TFDP2: variants seen among roughly 807,000 people sequenced by gnomAD.
The protein encoded by TFDP2 is transcription factor Dp-2, also known as transcription factor Dp-2 (E2F dimerization partner 2).
TFDP2 carries 17 observed loss-of-function variants against 59.3 expected under a neutral mutation model. The ratio of observed to expected loss-of-function variants is 0.29; its 90% CI spans 0.20 to 0.43. The LOEUF is 0.43. Ranked by LOEUF, TFDP2 falls within the 20% of genes least tolerant of loss-of-function variation. The probability of loss-of-function intolerance (pLI) is 1.00; values close to 1 mark genes in which losing one functional copy is unlikely to be tolerated. For missense variants in TFDP2, 391 were observed against 528.8 expected (o/e 0.74, Z 2.56); for synonymous variants, 180 against 194.7 (o/e 0.92, Z 0.63).
chr3:142,043,704 G>T (rs1444925535), intron 3 of TFDP2: 2 of 1,126,616 alleles, frequency 1.8e-6, no homozygotes, highest in Non-Finnish European at 2.7e-6. Context: ...CACCGTGCTT[G>T]CGTGCTTCCT....
chr3:142,044,008 G>A (rs998768546), intron 3 of TFDP2: 27 of 700,356 alleles, frequency 3.9e-5, no homozygotes, highest in Non-Finnish European at 6.1e-5. Flanking sequence ...GTCTTTTTCC[G>A]GCATCAAGCC....
At chr3:142,058,308 C>G (rs879322753) in intron 3 of TFDP2, among the ~76,000 whole-genome samples, 8 of 150,962 alleles carry the variant, frequency 5.3e-5, no homozygotes, top group African/African-American at 7.3e-5. Context: ...CTTCTGACAC[C>G]AAATGTTTGG....
chr3:142,087,848 G>A (rs1018767987), intron 3 of TFDP2, among the ~76,000 whole-genome samples: 2 of 152,112 alleles, frequency 1.3e-5, no homozygotes, highest in Non-Finnish European at 1.5e-5. Flanking sequence ...AGTCTAATTA[G>A]CATTACAGAT....
chr3:142,094,997 CT>C (rs1201224499), intron 2 of TFDP2, among the ~76,000 whole-genome samples: 4 of 144,882 alleles, frequency 2.8e-5, no homozygotes, highest in Admixed American at 2.0e-4. Context: ...TTTTCTTCTT[CT>C]TTTTTTTTTC....
intron 12 of TFDP2, 53 bp from the exon 13 acceptor site, chr3:141,952,749 G>A: frequency 6.3e-7 from 1 of 1,598,588 alleles, no homozygotes; most frequent in Non-Finnish European, 8.5e-7. Flanking sequence ...AAACAGTTTT[G>A]TAAAACATAG....
chr3:142,019,257 T>C (rs1945405721), intron 3 of TFDP2, among the ~76,000 whole-genome samples: 1 of 151,924 alleles, frequency 6.6e-6, no homozygotes, highest in East Asian at 1.9e-4. Flanking sequence ...AGAGACGGGG[T>C]TTCACCGTGT....
chr3:142,005,543 G>T lies in TFDP2; in HGVS notation c.84C>A (p.Gly28=). 2.5e-6 allele frequency: 4 copies of T among 1,583,320 alleles called. No homozygotes were observed. The highest frequency in any genetic ancestry group is 3.4e-6 in the Non-Finnish European group (4 of 1,161,128). Residue 28 remains glycine, a splice_region_variant and synonymous_variant, in exon 4 of 13, where the codon GGC becomes GGA. Transcript: ENST00000489671. Reference sequence around the variant, plus strand: ...CTGGAAATGCAACAAATGAAATGTTGCCTGAAATGATATCAAAACATTAAG... The same window carrying T: ...CTGGAAATGCAACAAATGAAATGTTTCCTGAAATGATATCAAAACATTAAG... ...FIDQNLSPTK[G]NISFVAFPVS...
At chr3:142,038,383 CAAAAAAAA>C (rs1184364752) in intron 3 of TFDP2, among the ~76,000 whole-genome samples, 12 of 41,436 alleles carry the variant, frequency 2.9e-4, no homozygotes, top group Admixed American at 5.3e-4. Context: ...GACTCCATCT[CAAAAAAAA>C]AAAAAAAAAA....
intron 11 of TFDP2, 55 bp downstream of exon 11, chr3:141,959,619 A>G: frequency 1.9e-6 from 3 of 1,574,092 alleles, no homozygotes; most frequent in Non-Finnish European, 2.6e-6. Context: ...GGTTTTAACA[A>G]GTTTGGATTC....
At chr3:141,969,163 A>ATG (rs1227456892) in intron 9 of TFDP2, among the ~76,000 whole-genome samples, 2 of 92,356 alleles carry the variant, frequency 2.2e-5, no homozygotes, top group Non-Finnish European at 3.9e-5. Flanking sequence ...ATATATATAT[A>ATG]ACATATATAT....
At chr3:141,965,547 A>AAGGGGAAGGGGG (rs1416135469) in intron 9 of TFDP2, among the ~76,000 whole-genome samples, 8 of 131,450 alleles carry the variant, frequency 6.1e-5, no homozygotes, top group Non-Finnish European at 1.3e-4. Flanking sequence ...AAGGGAGGGG[A>AAGGGGAAGGGGG]AGGGGAAGGG....
At chr3:142,111,423 GTC>G in intron 1 of TFDP2, among the ~76,000 whole-genome samples, 2 of 112,594 alleles carry the variant, frequency 1.8e-5, no homozygotes, top group African/African-American at 7.2e-5. Flanking sequence ...GTTAGACTCT[GTC>G]TCAAAAAAAA....
intron 3 of TFDP2, chr3:142,043,587 C>T (rs1947139237): frequency 2.6e-6 from 2 of 765,928 alleles, no homozygotes; most frequent in South Asian, 3.0e-5. Flanking sequence ...TCTATGTAAT[C>T]ACGGAGGCCA....
intron 1 of TFDP2, among the ~76,000 whole-genome samples, chr3:142,144,283 A>G (rs962779656): frequency 4.6e-5 from 7 of 152,070 alleles, no homozygotes; most frequent in Non-Finnish European, 1.0e-4. Context: ...TTGAGGCACA[A>G]GAATCACTTG....
intron 3 of TFDP2, among the ~76,000 whole-genome samples, chr3:142,010,981 C>T (rs1443974169): frequency 9.3e-6 from 1 of 107,004 alleles, no homozygotes; most frequent in African/African-American, 3.5e-5. Context: ...AACACTTTTA[C>T]ACTGTTGGTG....
intron 11 of TFDP2, among the ~76,000 whole-genome samples, chr3:141,957,011 T>G (rs115836696): frequency 0.012 from 1,797 of 144,888 alleles, 16 homozygotes; most frequent in Middle Eastern, 0.037. Flanking sequence ...AAAAGATGTA[T>G]AGTGACAAGT....
At chr3:142,088,505 A>G (rs2060883690) in intron 3 of TFDP2, among the ~76,000 whole-genome samples, 1 of 150,776 alleles carries the variant, frequency 6.6e-6, no homozygotes, top group Non-Finnish European at 1.5e-5. Flanking sequence ...TAATTTCTGT[A>G]TTTTTAGTAG....
At chr3:142,119,475 G>A (rs2061961742) in intron 1 of TFDP2, among the ~76,000 whole-genome samples, 1 of 152,228 alleles carries the variant, frequency 6.6e-6, no homozygotes, top group Admixed American at 6.5e-5. Context: ...CTGCCAAGCT[G>A]TCCTTAGAGT....
intron 3 of TFDP2, among the ~76,000 whole-genome samples, chr3:142,030,223 G>A (rs2108404217): frequency 6.6e-6 from 1 of 152,258 alleles, no homozygotes; most frequent in East Asian, 1.9e-4. Context: ...ATTAAACTGG[G>A]TTGTAAACAC....
Sources: gnomAD v4.1 joint callset for allele counts (sites outside exome capture counted in the v4.1 genomes callset) on GRCh38, gnomAD v4.1.1 for gene constraint, MANE v1.5 for transcripts, NCBI Gene and HGNC (gene_info 2026-07-23, HGNC 2026-07-21) for gene names.